The following CMTM7 variants were observed in gnomAD, a reference collection of about 807,000 sequenced individuals.
CMTM7 encodes CKLF like MARVEL transmembrane domain containing 7.
In CMTM7, 7 loss-of-function variants were observed where a neutral mutation model predicts 19.3. That is an observed-to-expected ratio of 0.36 (90% CI 0.21 to 0.68). CMTM7 has a LOEUF of 0.68. Among genes scored for constraint, CMTM7 ranks in the 30% least tolerant of loss-of-function variants. CMTM7 has a pLI of 0.60. For synonymous variants in CMTM7, 87 were observed against 99.3 expected (o/e 0.88, Z 0.74); for missense variants, 193 against 232.6 (o/e 0.83, Z 1.11).
intron 2 of CMTM7, among the ~76,000 whole-genome samples, chr3:32,444,767 T>C (rs1006272095): frequency 1.3e-5 from 2 of 152,222 alleles, no homozygotes; most frequent in African/African-American, 4.8e-5. Context: ...GTTGCTTTGT[T>C]TGAAACAGGT....
At chr3:32,417,450 T>C (rs1282938258) in intron 1 of CMTM7, among the ~76,000 whole-genome samples, 1 of 152,268 alleles carries the variant, frequency 6.6e-6, no homozygotes, top group Non-Finnish European at 1.5e-5. Flanking sequence ...TGGATATGTG[T>C]GTGTTCACCA....
chr3:32,426,649 AT>A (rs1696437765), intron 1 of CMTM7, among the ~76,000 whole-genome samples: 1 of 152,064 alleles, frequency 6.6e-6, no homozygotes, highest in South Asian at 2.1e-4. Flanking sequence ...GTATTTTGTC[AT>A]AAGGCTAAAC....
chr3:32,419,432 CTT>C (rs1559406744), intron 1 of CMTM7, among the ~76,000 whole-genome samples: 2 of 152,210 alleles, frequency 1.3e-5, no homozygotes, highest in African/African-American at 4.8e-5. Context: ...GAAAAGACAT[CTT>C]TTCCTTGTTC....
At chr3:32,421,953 T>G (rs1559407537) in intron 1 of CMTM7, among the ~76,000 whole-genome samples, 1 of 152,210 alleles carries the variant, frequency 6.6e-6, no homozygotes, top group East Asian at 1.9e-4. Flanking sequence ...ATGCCAAAGA[T>G]GAGGAAACTG....
intron 1 of CMTM7, among the ~76,000 whole-genome samples, chr3:32,404,284 C>T (rs1354163607): frequency 6.6e-6 from 1 of 151,740 alleles, no homozygotes; most frequent in Non-Finnish European, 1.5e-5. Flanking sequence ...CTTCAGCCTC[C>T]TGAGTAGCTG....
chr3:32,427,858 T>C (rs1021798982), intron 1 of CMTM7, among the ~76,000 whole-genome samples: 1 of 152,246 alleles, frequency 6.6e-6, no homozygotes, highest in Non-Finnish European at 1.5e-5. Context: ...TCATTTTGTG[T>C]GGACTTTGTA....
At position 32,455,385 on chromosome 3, in the gene CMTM7, G is replaced by A. The variant is rs1267024138; in HGVS notation, c.*1131G>A. On this transcript the variant is annotated 3_prime_UTR_variant, in exon 5 of 5. Transcript: ENST00000334983. The stretch of plus-strand genomic sequence containing the variant: ...GGAGCTGGGCTCAGGATCTAGGTCT[G>A]CCTGACTCCCAGCCCCATCCTTGCC... 1 of 152,264 alleles carries A rather than the reference G, an allele frequency of 6.6e-6. No homozygotes were observed. The highest frequency in any genetic ancestry group is 2.4e-5 in the African/African-American group (1 of 41,464). The allele number at this position is 152,264 out of a possible 1,614,324, so 9.4% of individuals were successfully genotyped here.
chr3:32,441,713 C>T, intron 1 of CMTM7, 127 bp from the exon 2 acceptor site: 1 of 780,366 alleles, frequency 1.3e-6, no homozygotes, highest in East Asian at 2.5e-5. Flanking sequence ...TGGAAATAAC[C>T]TGAATTGTAT....
intron 2 of CMTM7, among the ~76,000 whole-genome samples, chr3:32,448,016 A>G (rs1312981962): frequency 6.6e-6 from 1 of 152,172 alleles, no homozygotes; most frequent in Admixed American, 6.5e-5. Flanking sequence ...TTTTGAGAAC[A>G]AATTCCTCTG....
intron 3 of CMTM7, chr3:32,452,118 G>C: frequency 6.9e-7 from 1 of 1,455,238 alleles, no homozygotes; most frequent in Non-Finnish European, 9.1e-7. Context: ...TGTAAACCCA[G>C]ACCAGGCACT....
chr3:32,419,812 T>A (rs1696318005), intron 1 of CMTM7, among the ~76,000 whole-genome samples: 1 of 152,152 alleles, frequency 6.6e-6, no homozygotes, highest in African/African-American at 2.4e-5. Flanking sequence ...TAGCCTGGAG[T>A]TTCTCTGTAA....
intron 1 of CMTM7, among the ~76,000 whole-genome samples, chr3:32,393,140 G>A (rs1471213604): frequency 6.6e-6 from 1 of 152,200 alleles, no homozygotes; most frequent in African/African-American, 2.4e-5. Context: ...TTGGGCACAG[G>A]ACGTCTGTGC....
chr3:32,419,013 A>G (rs141493778), intron 1 of CMTM7, among the ~76,000 whole-genome samples: 187 of 152,350 alleles, frequency 1.2e-3, no homozygotes, highest in African/African-American at 4.4e-3. Context: ...TCATGAATTA[A>G]TAATATCTAT....
intron 1 of CMTM7, among the ~76,000 whole-genome samples, chr3:32,403,441 A>C (rs1313848907): frequency 6.6e-6 from 1 of 152,040 alleles, no homozygotes; most frequent in Non-Finnish European, 1.5e-5. Flanking sequence ...TTGAACTCCT[A>C]GGCTCAAGCA....
chr3:32,397,971 G>A (rs1277985342), intron 1 of CMTM7, among the ~76,000 whole-genome samples: 2 of 152,108 alleles, frequency 1.3e-5, no homozygotes, highest in Non-Finnish European at 2.9e-5. Flanking sequence ...AGGATCAGAG[G>A]GCAAAGGTGA....
rs991909712 is a variant in CMTM7, at chr3:32,391,855, C to G, written c.-52C>G. 2 of 1,094,576 alleles carry G rather than the reference C, an allele frequency of 1.8e-6. No individual in the cohort carries two copies. The highest frequency in any genetic ancestry group is 9.1e-5 in the Admixed American group (2 of 21,884). The allele number at this position is 1,094,576 out of a possible 1,614,324, so 67.8% of individuals were successfully genotyped here. ...CCCGCCCCCGGCCCGCCCTCTGTAT[C>G]TGGCCCCTGGGCAGCTGCCCGGGGA... On this transcript the variant is annotated 5_prime_UTR_variant, in exon 1 of 5. It adds an upstream start codon to the 5' untranslated region. Transcript: ENST00000334983.
At chr3:32,452,919 ATTTTTTTTTTTTTTTTTTTTT>A (rs368112448) in intron 4 of CMTM7, among the ~76,000 whole-genome samples, 2 of 35,320 alleles carry the variant, frequency 5.7e-5, no homozygotes, top group African/African-American at 1.1e-4. Context: ...CCTAATTTCA[ATTTTTTTTTTTTTTTTTTTTT>A]TTTTTTTTTT....
chr3:32,403,764 C>T (rs1049227970), intron 1 of CMTM7, among the ~76,000 whole-genome samples: 1 of 152,110 alleles, frequency 6.6e-6, no homozygotes, highest in Non-Finnish European at 1.5e-5. Context: ...ATGTTGTGAT[C>T]ACTGCATTCA....
chr3:32,420,198 C>T (rs1696323757), intron 1 of CMTM7, among the ~76,000 whole-genome samples: 1 of 152,222 alleles, frequency 6.6e-6, no homozygotes, highest in Admixed American at 6.5e-5. Context: ...TGAGGATGAA[C>T]CTTTCGTCCA....
Sources: allele counts gnomAD v4.1 joint callset (sites outside exome capture counted in the v4.1 genomes callset), GRCh38; gene constraint gnomAD v4.1.1; transcripts MANE v1.5; gene names NCBI Gene and HGNC (gene_info 2026-07-23, HGNC 2026-07-21).